Variants in RNASE4 observed in about 807,000 individuals in gnomAD.
The protein encoded by RNASE4 is ribonuclease 4.
For missense variants in RNASE4, 194 were observed against 192.8 expected, an observed-to-expected ratio of 1.01 and a Z score of -0.04; for synonymous variants, 93 against 71.4, an observed-to-expected ratio of 1.30 and a Z score of -1.52.
Position 20,690,560 on chromosome 14 carries a change from T to C in RNASE4, c.-18+5802T>C, listed in dbSNP as rs1304543236. Among the ~76,000 whole-genome samples, 3 of 152,184 alleles carry C rather than the reference T, an allele frequency of 2.0e-5. No individual in the cohort carries two copies. The East Asian group carries it at 5.8e-4, about 29-fold the overall frequency. On this transcript the variant is annotated intron_variant, in intron 1 of 1. Coordinates refer to ENST00000555835, the MANE Select transcript of RNASE4 (RefSeq NM_002937.5). ...TTGGTGTACGCTTGCTGAGATTTGGTTCCTGGATGTCTTAGGGAATCAAGA... is the reference window on the plus strand; with the variant it reads ...TTGGTGTACGCTTGCTGAGATTTGGCTCCTGGATGTCTTAGGGAATCAAGA...
chr14:20,692,487 G>A (rs1249402837), intron 1 of RNASE4, among the ~76,000 whole-genome samples: 2 of 152,200 alleles, frequency 1.3e-5, no homozygotes, highest in Non-Finnish European at 2.9e-5. Flanking sequence ...TGGCCTGTCC[G>A]CCTAAGCTCT....
intron 1 of RNASE4, among the ~76,000 whole-genome samples, chr14:20,686,039 T>TAAAAA (rs11378368): frequency 1.4e-5 from 2 of 137,952 alleles, no homozygotes; most frequent in African/African-American, 5.5e-5. Context: ...GACTCCGTCT[T>TAAAAA]AAAAAAAAAA....
intron 1 of RNASE4, among the ~76,000 whole-genome samples, chr14:20,698,191 T>A (rs963783920): frequency 6.6e-6 from 1 of 152,122 alleles, no homozygotes; most frequent in Non-Finnish European, 1.5e-5. Context: ...GCTTTTTTTT[T>A]TAATGCTATA....
intron 1 of RNASE4, among the ~76,000 whole-genome samples, chr14:20,687,111 T>C (rs17114671): frequency 0.11 from 16,214 of 152,276 alleles, 866 homozygotes; most frequent in Middle Eastern, 0.12. Context: ...TTAAAATTAC[T>C]GACAAAGATG....
At chr14:20,696,200 T>A (rs188869432) in intron 1 of RNASE4, among the ~76,000 whole-genome samples, 8 of 152,290 alleles carry the variant, frequency 5.3e-5, no homozygotes, top group African/African-American at 1.9e-4. Flanking sequence ...TGGAGCATTA[T>A]CATCGCATAG....
intron 1 of RNASE4, chr14:20,694,179 A>C (rs1886988569): frequency 1.4e-6 from 1 of 724,354 alleles, no homozygotes; most frequent in Admixed American, 2.5e-5. Flanking sequence ...TCTTGATATC[A>C]GTAAGAATCA....
chr14:20,699,968 A>C lies in RNASE4; in HGVS notation c.*153A>C. 4.5e-6 allele frequency: 3 copies of C among 672,300 alleles called. No individual in the cohort carries two copies. The highest frequency in any genetic ancestry group is 7.7e-6 in the Non-Finnish European group (3 of 387,450). The allele number at this position is 672,300 out of a possible 1,614,324, so 41.6% of individuals were successfully genotyped here. ...TAACTCATTCTATTAAATACATTGC[A>C]CCAAAGAGATATGGAGACATAAACC... On this transcript the variant is annotated 3_prime_UTR_variant, in exon 2 of 2. Coordinates refer to ENST00000555835, the MANE Select transcript of RNASE4 (RefSeq NM_002937.5).
chr14:20,686,957 C>G (rs751741469), intron 1 of RNASE4, among the ~76,000 whole-genome samples: 3 of 152,114 alleles, frequency 2.0e-5, no homozygotes, highest in African/African-American at 7.2e-5. Context: ...CCGTGCATCC[C>G]GTGTCTGTGT....
chr14:20,687,913 AC>A (rs1332390995), intron 1 of RNASE4, among the ~76,000 whole-genome samples: 1 of 152,238 alleles, frequency 6.6e-6, no homozygotes, highest in Non-Finnish European at 1.5e-5. Flanking sequence ...CCTAGATCCA[AC>A]ACCACTGTGG....
chr14:20,693,786 G>A (rs760854021), intron 1 of RNASE4: 4 of 1,614,066 alleles, frequency 2.5e-6, no homozygotes, highest in Non-Finnish European at 2.5e-6. Context: ...ATGGCAACAA[G>A]CGCAGCATCA....
intron 1 of RNASE4, among the ~76,000 whole-genome samples, chr14:20,697,966 G>A (rs2873964): frequency 1 from 152,185 of 152,276 alleles, 76,047 homozygotes; most frequent in Non-Finnish European, 1. Flanking sequence ...TCCACCTCCA[G>A]TCTTGATTAA....
chr14:20,690,625 G>C (rs984392713), intron 1 of RNASE4, among the ~76,000 whole-genome samples: 1 of 152,186 alleles, frequency 6.6e-6, no homozygotes, highest in East Asian at 1.9e-4. Context: ...ATTTGTCTCT[G>C]TAACTGAGGG....
intron 1 of RNASE4, among the ~76,000 whole-genome samples, chr14:20,684,967 G>A (rs575262035): frequency 6.6e-6 from 1 of 152,276 alleles, no homozygotes; most frequent in East Asian, 1.9e-4. Flanking sequence ...GGTTTACTTT[G>A]CGCAGCTGGG....
At chr14:20,692,956 T>C (rs1405934234) in intron 1 of RNASE4, among the ~76,000 whole-genome samples, 2 of 152,004 alleles carry the variant, frequency 1.3e-5, no homozygotes, top group Admixed American at 6.5e-5. Flanking sequence ...CACGCCATTC[T>C]CCTGCCTCAG....
At position 20,690,221 on chromosome 14, in the gene RNASE4, C is replaced by CAA. The variant is rs36091065; in HGVS notation, c.-18+5489_-18+5490dup. ...TGGGCGACAGAGCGAGACTCCGTCT[C>CAA]AAAAAAAAAAAAAAAAAAAAAAAAA... On this transcript the variant is annotated intron_variant, in intron 1 of 1. Coordinates refer to ENST00000555835, the MANE Select transcript of RNASE4 (RefSeq NM_002937.5). Among the ~76,000 whole-genome samples the CAA allele has an allele frequency of 9.7e-4, 66 of 67,972 alleles. 4 individuals carry two copies. Among genetic ancestry groups the CAA allele is most frequent in the African/African-American group, 2.2e-3 (34 of 15,466 alleles). 44.6% of individuals were successfully genotyped at this position (67,972 alleles called of 152,430 possible).
chr14:20,697,150 C>T (rs111584577), intron 1 of RNASE4, among the ~76,000 whole-genome samples: 1,971 of 152,268 alleles, frequency 0.013, 44 homozygotes, highest in African/African-American at 0.045. Flanking sequence ...GAAAAGCTGA[C>T]GTCCTGGGTC....
rs1270658533 is a variant in RNASE4, at chr14:20,700,395, C to T, written c.*580C>T. The T allele has an allele frequency of 1.2e-5, 2 of 167,028 alleles. No individual in the cohort carries two copies. Among genetic ancestry groups the T allele is most frequent in the Non-Finnish European group, 2.9e-5 (2 of 68,146 alleles). The allele number at this position is 167,028 out of a possible 1,614,324, so 10.3% of individuals were successfully genotyped here. On this transcript the variant is annotated 3_prime_UTR_variant, in exon 2 of 2. Coordinates refer to ENST00000555835, the MANE Select transcript of RNASE4 (RefSeq NM_002937.5). ...AATGTATGCCAGCAAAATGTGAGCT[C>T]TGTATTTTTTGGCATTCTTATGTTT...
intron 1 of RNASE4, among the ~76,000 whole-genome samples, chr14:20,692,430 C>T (rs953916031): frequency 6.6e-6 from 1 of 152,216 alleles, no homozygotes; most frequent in Non-Finnish European, 1.5e-5. Flanking sequence ...TGACTCCTTC[C>T]CTGGGCTCAG....
rs539098577 is a variant in RNASE4, at chr14:20,694,000, C to T, written c.-17-5355C>T. 7.4e-6 allele frequency: 12 copies of T among 1,614,060 alleles called. No individual in the cohort carries two copies. In the South Asian group the frequency reaches 7.7e-5, roughly 10 times the overall value. On this transcript the variant is annotated intron_variant, in intron 1 of 1. Coordinates refer to ENST00000555835, the MANE Select transcript of RNASE4 (RefSeq NM_002937.5). Reference sequence around the variant, plus strand: ...CCACTTGGATCAGTCAATTTTCCGTCGTCCGTAACCAGCGGGCCCCTGGTC... The same window carrying T: ...CCACTTGGATCAGTCAATTTTCCGTTGTCCGTAACCAGCGGGCCCCTGGTC...
Sources: gnomAD v4.1 joint callset for allele counts (sites outside exome capture counted in the v4.1 genomes callset) on GRCh38, gnomAD v4.1.1 for gene constraint, MANE v1.5 for transcripts, NCBI Gene and HGNC (gene_info 2026-07-23, HGNC 2026-07-21) for gene names.